GLIS3: variants seen among roughly 807,000 people sequenced by gnomAD.
The protein encoded by GLIS3 is zinc finger protein GLIS3.
Under a neutral mutation model 78.6 loss-of-function variants are expected in GLIS3, and 53 were observed. The ratio of observed to expected loss-of-function variants is 0.67; its 90% CI spans 0.54 to 0.85. The LOEUF (loss-of-function observed/expected upper bound fraction) is 0.85. Ranked by LOEUF, GLIS3 falls within the 40% of genes least tolerant of loss-of-function variation. The pLI is 0.00. For synonymous variants in GLIS3, 684 were observed against 509.9 expected (o/e 1.34, Z -4.60); for missense variants, 1,703 against 1,231.1 (o/e 1.38, Z -5.74).
At chr9:3,976,870 G>T in intron 4 of GLIS3, among the ~76,000 whole-genome samples, 1 of 65,068 alleles carries the variant, frequency 1.5e-5, no homozygotes. Context: ...ATCTTTGGTG[G>T]AAAAAAAAAA....
intron 5 of GLIS3, chr9:3,932,780 T>A: frequency 2.3e-6 from 1 of 438,392 alleles, no homozygotes; most frequent in Non-Finnish European, 4.5e-6. Context: ...AGTAAGCATC[T>A]CTAGTCATAC....
At chr9:4,067,974 G>C (rs1250537547) in intron 4 of GLIS3, among the ~76,000 whole-genome samples, 1 of 151,894 alleles carries the variant, frequency 6.6e-6, no homozygotes, top group African/African-American at 2.4e-5. Flanking sequence ...AAAGATAATA[G>C]AAAAAGTCCT....
intron 4 of GLIS3, among the ~76,000 whole-genome samples, chr9:4,025,048 G>C (rs948665254): frequency 1.3e-5 from 2 of 151,774 alleles, no homozygotes; most frequent in African/African-American, 4.8e-5. Flanking sequence ...TCAGGAGTTC[G>C]AGACCAGCCT....
intron 9 of GLIS3, among the ~76,000 whole-genome samples, chr9:3,849,470 T>C (rs1043928533): frequency 6.6e-6 from 1 of 152,174 alleles, no homozygotes; most frequent in African/African-American, 2.4e-5. Context: ...ACAAGATGTG[T>C]AGAATATCAG....
At chr9:4,133,861 CA>C (rs765644078) in intron 2 of GLIS3, among the ~76,000 whole-genome samples, 4,630 of 147,704 alleles carry the variant, frequency 0.031, 94 homozygotes, top group Admixed American at 0.064. Context: ...CACACACACA[CA>C]CACACACACA....
the GLIS3 span, among the ~76,000 whole-genome samples, chr9:4,472,906 G>T: frequency 1.3e-5 from 2 of 152,052 alleles, no homozygotes; most frequent in African/African-American, 4.8e-5. Flanking sequence ...TATATTTCTA[G>T]ATATCATTAA....
intron 9 of GLIS3, among the ~76,000 whole-genome samples, chr9:3,844,751 C>T (rs1210698753): frequency 6.6e-6 from 1 of 152,148 alleles, no homozygotes; most frequent in Admixed American, 6.5e-5. Flanking sequence ...CAGGTCCTAG[C>T]TCTTGTTATT....
chr9:4,435,728 T>G, the GLIS3 span, among the ~76,000 whole-genome samples: 9 of 152,094 alleles, frequency 5.9e-5, no homozygotes, highest in African/African-American at 2.2e-4. Context: ...GGCGGGCGGA[T>G]CATGAGGTCA....
intron 4 of GLIS3, among the ~76,000 whole-genome samples, chr9:3,996,720 A>G (rs1433283047): frequency 1.3e-5 from 2 of 152,226 alleles, no homozygotes; most frequent in Non-Finnish European, 1.5e-5. Flanking sequence ...AAGACCCAAC[A>G]TAGAGAATGA....
chr9:4,071,209 G>C (rs185465752), intron 4 of GLIS3: 2 of 152,266 alleles, frequency 1.3e-5, no homozygotes, highest in African/African-American at 4.8e-5. Context: ...CATTTCAGAG[G>C]TATGATGTAT....
intron 2 of GLIS3, among the ~76,000 whole-genome samples, chr9:4,241,438 C>G (rs1823301279): frequency 6.6e-6 from 1 of 152,000 alleles, no homozygotes; most frequent in Non-Finnish European, 1.5e-5. Context: ...TTGTATTTTT[C>G]AAAATAGCTA....
the GLIS3 span, among the ~76,000 whole-genome samples, chr9:4,420,802 G>A: frequency 6.6e-6 from 1 of 152,138 alleles, no homozygotes. Flanking sequence ...AAGATGGATT[G>A]CACCTTGCAA....
intron 2 of GLIS3, among the ~76,000 whole-genome samples, chr9:4,251,757 C>T (rs1824413928): frequency 6.6e-6 from 1 of 152,068 alleles, no homozygotes; most frequent in South Asian, 2.1e-4. Flanking sequence ...TTTTCCTTTC[C>T]ATGTTTAGTG....
the GLIS3 span, among the ~76,000 whole-genome samples, chr9:4,397,839 A>G: frequency 6.6e-6 from 1 of 151,870 alleles, no homozygotes. Context: ...TGAGCAATCC[A>G]AAGTATTCCT....
chr9:4,380,612 T>C, the GLIS3 span, among the ~76,000 whole-genome samples: 4 of 152,244 alleles, frequency 2.6e-5, no homozygotes, highest in African/African-American at 9.6e-5. Flanking sequence ...TCAATAGGAC[T>C]GAAGTTGGCC....
intron 1 of GLIS3, among the ~76,000 whole-genome samples, chr9:4,286,834 T>C (rs1828043570): frequency 1.3e-5 from 2 of 152,214 alleles, no homozygotes; most frequent in Non-Finnish European, 2.9e-5. Flanking sequence ...TTTTGTTCCC[T>C]AGAGGATCTG....
chr9:4,377,189 G>C, the GLIS3 span, among the ~76,000 whole-genome samples: 1 of 134,920 alleles, frequency 7.4e-6, no homozygotes, highest in South Asian at 2.9e-4. Flanking sequence ...TTGAGTCAGA[G>C]GACTGGTAGA....
chr9:4,235,248 G>A (rs117147267), intron 2 of GLIS3, among the ~76,000 whole-genome samples: 2,592 of 141,788 alleles, frequency 0.018, 48 homozygotes, highest in Non-Finnish European at 0.024. Flanking sequence ...GCAGTGATCC[G>A]AGATTGCACT....
chr9:4,275,593 C>T (rs1378839747), intron 2 of GLIS3, among the ~76,000 whole-genome samples: 1 of 140,696 alleles, frequency 7.1e-6, no homozygotes, highest in South Asian at 2.3e-4. Context: ...GATCCCATCT[C>T]TACAAAAATT....
Sources: gnomAD v4.1 joint callset for allele counts (sites outside exome capture counted in the v4.1 genomes callset) on GRCh38, gnomAD v4.1.1 for gene constraint, MANE v1.5 for transcripts, NCBI Gene and HGNC (gene_info 2026-07-23, HGNC 2026-07-21) for gene names.